Variants in VXN observed in about 807,000 individuals in gnomAD.
VXN encodes the protein uncharacterized protein C8orf46.
Under a neutral mutation model 23.1 loss-of-function variants are expected in VXN, and 7 were observed. The ratio of observed to expected loss-of-function variants is 0.30; its 90% confidence interval spans 0.17 to 0.57. The LOEUF is 0.57. Ranked by LOEUF, VXN falls within the 20% of genes least tolerant of loss-of-function variation. The probability of loss-of-function intolerance (pLI) is 0.91; values close to 1 mark genes in which losing one functional copy is unlikely to be tolerated. For missense variants in VXN, 238 were observed against 272.6 expected, an observed-to-expected ratio of 0.87 and a Z score of 0.89; for synonymous variants, 120 against 105.8, an observed-to-expected ratio of 1.13 and a Z score of -0.83.
chr8:66,499,801 T>C (rs1024367432), intron 2 of VXN, among the ~76,000 whole-genome samples: 8 of 152,088 alleles, frequency 5.3e-5, no homozygotes, highest in African/African-American at 1.9e-4. Flanking sequence ...TTTGCTTTTT[T>C]CTCTTAATAA....
At chr8:66,499,382 G>A (rs1337092322) in intron 2 of VXN, among the ~76,000 whole-genome samples, 3 of 151,374 alleles carry the variant, frequency 2.0e-5, no homozygotes, top group Non-Finnish European at 2.9e-5. Flanking sequence ...ACAGGCATGA[G>A]CCACCATGCC....
chr8:66,500,868 ATTTTTTTTTTT>A (rs1172553891), intron 2 of VXN, among the ~76,000 whole-genome samples: 3 of 114,152 alleles, frequency 2.6e-5, no homozygotes, highest in Non-Finnish European at 5.3e-5. Context: ...AAAGGACATG[ATTTTTTTTTTT>A]TTTTTTTTTT....
intron 4 of VXN, among the ~76,000 whole-genome samples, chr8:66,511,236 A>G (rs1434480259): frequency 6.6e-6 from 1 of 152,146 alleles, no homozygotes; most frequent in African/African-American, 2.4e-5. Flanking sequence ...CTTGGTTAGC[A>G]GAGTCAGCAG....
intron 1 of VXN, 26 bp downstream of exon 1, chr8:66,493,744 T>C (rs1807592278): frequency 6.3e-7 from 1 of 1,598,226 alleles, no homozygotes; most frequent in African/African-American, 1.3e-5. Context: ...CTTGACTGTT[T>C]CCTTAACGTG....
At chr8:66,511,205 G>A (rs996879188) in intron 4 of VXN, among the ~76,000 whole-genome samples, 3 of 152,118 alleles carry the variant, frequency 2.0e-5, no homozygotes, top group African/African-American at 4.8e-5. Context: ...CTCATCTCTG[G>A]GCAGGAATGT....
chr8:66,506,133 G>T (rs937761115), intron 3 of VXN, among the ~76,000 whole-genome samples: 1 of 152,104 alleles, frequency 6.6e-6, no homozygotes, highest in African/African-American at 2.4e-5. Flanking sequence ...TCTAGAGAGA[G>T]TGTAAATCAG....
chr8:66,510,120 C>T lies in VXN; in HGVS notation c.305C>T (p.Ser102Leu), dbSNP rs1410113890. 6.2e-7 allele frequency: 1 copy of T among 1,613,882 alleles called. No homozygotes were observed. The highest frequency in any genetic ancestry group is 1.7e-5 in the Admixed American group (1 of 59,982). ...GTGGGGATTTCTGAACCCAAAACATCAAATCTGTGTGGGAATCGAGCATAT... is the reference window on the plus strand; with the variant it reads ...GTGGGGATTTCTGAACCCAAAACATTAAATCTGTGTGGGAATCGAGCATAT... ...RPVGISEPKT[S>L]NLCGNRAYGK... The change falls in exon 4 of 6, where the codon TCA becomes TTA. Residue 102 changes from serine (S) to leucine (L), a missense_variant. Coordinates refer to ENST00000305454, the MANE Select transcript of VXN (RefSeq NM_152765.4).
At chr8:66,509,654 A>T (rs1475855270) in intron 3 of VXN, among the ~76,000 whole-genome samples, 1 of 152,224 alleles carries the variant, frequency 6.6e-6, no homozygotes, top group Non-Finnish European at 1.5e-5. Context: ...CTGAAGGCAC[A>T]TTCTGAGCAC....
At chr8:66,509,795 C>G (rs1807800940) in intron 3 of VXN, among the ~76,000 whole-genome samples, 1 of 152,116 alleles carries the variant, frequency 6.6e-6, no homozygotes, top group African/African-American at 2.4e-5. Flanking sequence ...CATATACCTC[C>G]TGCCCCCTCA....
At chr8:66,505,263 T>A in intron 2 of VXN, 112 bp from the exon 3 acceptor site, 1 of 1,378,618 alleles carries the variant, frequency 7.3e-7, no homozygotes, top group Non-Finnish European at 1.0e-6. Context: ...TCACGAAGGA[T>A]CCAGAAACTC....
chr8:66,510,820 TATC>T (rs1361470819), intron 4 of VXN, among the ~76,000 whole-genome samples: 4 of 152,146 alleles, frequency 2.6e-5, no homozygotes, highest in Non-Finnish European at 5.9e-5. Context: ...GCACTGATCT[TATC>T]ATAGAGTCTC....
At chr8:66,510,520 G>A (rs1467267488) in intron 4 of VXN, among the ~76,000 whole-genome samples, 1 of 152,206 alleles carries the variant, frequency 6.6e-6, no homozygotes, top group Non-Finnish European at 1.5e-5. Context: ...CACAGCCACA[G>A]GGGAAAAGAG....
chr8:66,506,907 T>C (rs1170402046), intron 3 of VXN, among the ~76,000 whole-genome samples: 1 of 38,316 alleles, frequency 2.6e-5, no homozygotes, highest in Non-Finnish European at 4.7e-5. Flanking sequence ...TGTGTCTATA[T>C]ATAGGTGGGT....
At chr8:66,514,627 GC>G (rs1353983829) in intron 5 of VXN, among the ~76,000 whole-genome samples, 9 of 152,028 alleles carry the variant, frequency 5.9e-5, no homozygotes, top group East Asian at 1.9e-4. Context: ...ATGGGTTTTT[GC>G]CATGTTGGAC....
chr8:66,502,119 T>C, intron 2 of VXN, among the ~76,000 whole-genome samples: 1 of 152,212 alleles, frequency 6.6e-6, no homozygotes, highest in Middle Eastern at 3.2e-3. Context: ...TTGAATTGTA[T>C]TTCTTCCAAA....
intron 5 of VXN, among the ~76,000 whole-genome samples, chr8:66,515,642 G>A (rs1807878987): frequency 6.6e-6 from 1 of 152,166 alleles, no homozygotes; most frequent in African/African-American, 2.4e-5. Flanking sequence ...CAGAGCAGGG[G>A]GACAGTAGCA....
At chr8:66,509,782 TC>T (rs1182393539) in intron 3 of VXN, among the ~76,000 whole-genome samples, 1 of 152,132 alleles carries the variant, frequency 6.6e-6, no homozygotes, top group African/African-American at 2.4e-5. Context: ...TACAGAGGTT[TC>T]CCATATACCT....
intron 3 of VXN, among the ~76,000 whole-genome samples, chr8:66,507,414 C>T (rs1563507880): frequency 6.6e-6 from 1 of 152,098 alleles, no homozygotes; most frequent in Non-Finnish European, 1.5e-5. Flanking sequence ...CAGAAGAAAC[C>T]GAAACCATAG....
intron 3 of VXN, among the ~76,000 whole-genome samples, chr8:66,509,154 G>A (rs1338658970): frequency 6.6e-6 from 1 of 152,184 alleles, no homozygotes; most frequent in East Asian, 1.9e-4. Flanking sequence ...TGGTAGTCTT[G>A]TAATACTTTA....
Sources: gnomAD v4.1 joint callset for allele counts (sites outside exome capture counted in the v4.1 genomes callset) on GRCh38, gnomAD v4.1.1 for gene constraint, MANE v1.5 for transcripts, NCBI Gene and HGNC (gene_info 2026-07-23, HGNC 2026-07-21) for gene names.